THSD7B: variants seen among roughly 807,000 people sequenced by gnomAD.
THSD7B encodes the protein thrombospondin type 1 domain containing 7B.
A neutral mutation model predicts 213.6 loss-of-function variants in THSD7B; 138 were observed. The observed-to-expected ratio is 0.65, with a 90% CI of 0.56 to 0.74. The LOEUF (loss-of-function observed/expected upper bound fraction) is 0.74. THSD7B is among the 30% of genes least tolerant of loss of function. THSD7B has a pLI of 0.00. For missense variants in THSD7B, 1,931 were observed against 1,991.5 expected, an observed-to-expected ratio of 0.97 and a Z score of 0.58; for synonymous variants, 742 against 687.0, an observed-to-expected ratio of 1.08 and a Z score of -1.25.
rs878953879 is a variant in THSD7B at position 137,335,286 on chromosome 2, G to A, written c.2500+59260G>A. Among the ~76,000 whole-genome samples, 4 of 152,026 alleles carry A rather than the reference G, an allele frequency of 2.6e-5. No individual in the cohort carries two copies. In the South Asian group the frequency reaches 8.3e-4, roughly 32 times the overall value. On this transcript the variant is annotated intron_variant, in intron 12 of 27. Coordinates refer to ENST00000409968, the MANE Select transcript of THSD7B (RefSeq NM_001316349.2). ...GAATTGCTTAGTGTTGGACTCTTACGAGCGCACAAAAATAAGGTAATGAAG... is the reference window on the plus strand; with the variant it reads ...GAATTGCTTAGTGTTGGACTCTTACAAGCGCACAAAAATAAGGTAATGAAG...
At chr2:137,216,408 C>T (rs547641756) in intron 7 of THSD7B, among the ~76,000 whole-genome samples, 83 of 152,054 alleles carry the variant, frequency 5.5e-4, no homozygotes, top group South Asian at 1.0e-3. Context: ...CACACACGCT[C>T]TTCTTCCATC....
intron 2 of THSD7B, among the ~76,000 whole-genome samples, chr2:137,028,028 C>A (rs1016703049): frequency 6.6e-6 from 1 of 151,942 alleles, no homozygotes; most frequent in African/African-American, 2.4e-5. Flanking sequence ...TATTATTATT[C>A]CTATATGTAT....
chr2:137,272,913 C>T (rs1349653067), intron 11 of THSD7B, among the ~76,000 whole-genome samples: 1 of 151,788 alleles, frequency 6.6e-6, no homozygotes, highest in Non-Finnish European at 1.5e-5. Flanking sequence ...CTTATGCCAC[C>T]ATGGCAGTCC....
chr2:137,578,321 C>T (rs1260286888), intron 17 of THSD7B, among the ~76,000 whole-genome samples: 1 of 152,172 alleles, frequency 6.6e-6, no homozygotes, highest in Non-Finnish European at 1.5e-5. Context: ...TCTTAGCTAA[C>T]TACTAATTTG....
intron 7 of THSD7B, among the ~76,000 whole-genome samples, chr2:137,223,990 G>T (rs1681438591): frequency 6.6e-6 from 1 of 152,094 alleles, no homozygotes; most frequent in South Asian, 2.1e-4. Context: ...TTCCAGCCGT[G>T]CTTCCTGTAC....
chr2:137,393,691 G>A (rs1686101731), intron 12 of THSD7B, among the ~76,000 whole-genome samples: 1 of 140,982 alleles, frequency 7.1e-6, no homozygotes, highest in African/African-American at 2.6e-5. Context: ...TGGGATGGCT[G>A]GGTCAAATGG....
At chr2:137,089,855 A>G (rs1687917591) in intron 3 of THSD7B, among the ~76,000 whole-genome samples, 1 of 151,986 alleles carries the variant, frequency 6.6e-6, no homozygotes, top group Non-Finnish European at 1.5e-5. Flanking sequence ...TAAAAATACA[A>G]AAAATTAGCC....
At chr2:137,546,765 T>C (rs550149883) in intron 15 of THSD7B, among the ~76,000 whole-genome samples, 1 of 151,516 alleles carries the variant, frequency 6.6e-6, no homozygotes, top group East Asian at 2.0e-4. Flanking sequence ...ATAAATGGGT[T>C]AGTTGACCAT....
At chr2:137,287,446 G>A (rs1475310727) in intron 12 of THSD7B, among the ~76,000 whole-genome samples, 1 of 152,100 alleles carries the variant, frequency 6.6e-6, no homozygotes, top group East Asian at 1.9e-4. Flanking sequence ...TAATGATTCT[G>A]TGAGGTATTT....
intron 2 of THSD7B, among the ~76,000 whole-genome samples, chr2:136,950,035 C>T (rs1337177754): frequency 7.9e-5 from 12 of 152,212 alleles, no homozygotes; most frequent in Admixed American, 4.6e-4. Flanking sequence ...GAGCGGATCA[C>T]GAGGTCAGGA....
Position 137,509,250 on chromosome 2 carries a change from CTTCCTTCCTTCCTTCT to C in THSD7B, c.3139-53956_3139-53941del, listed in dbSNP as rs1451407145. 9.4e-5 allele frequency among the ~76,000 whole-genome samples: 14 copies of C among 148,488 alleles called. No homozygotes were observed. The South Asian group carries it at 1.7e-3, about 18-fold the overall frequency. ...CTTTTTTTCTTTTCTTTTCTTTTTC[CTTCCTTCCTTCCTTCT>C]TTCCTTCCTTCCTTTCTTCCTTCCC... On this transcript the variant is annotated intron_variant, in intron 15 of 27. Coordinates refer to ENST00000409968, the MANE Select transcript of THSD7B (RefSeq NM_001316349.2).
At chr2:137,042,926 T>G (rs1055405198) in intron 2 of THSD7B, among the ~76,000 whole-genome samples, 4 of 152,230 alleles carry the variant, frequency 2.6e-5, no homozygotes, top group East Asian at 1.9e-4. Context: ...ATTCCAATAA[T>G]GCAGGGGCTA....
chr2:137,035,875 A>G (rs1353611609), intron 2 of THSD7B, among the ~76,000 whole-genome samples: 1 of 152,178 alleles, frequency 6.6e-6, no homozygotes, highest in Non-Finnish European at 1.5e-5. Flanking sequence ...TATAGCTTAC[A>G]TATTTTCCAT....
intron 5 of THSD7B, among the ~76,000 whole-genome samples, chr2:137,130,132 G>T (rs980970135): frequency 4.6e-5 from 7 of 152,172 alleles, no homozygotes; most frequent in Admixed American, 4.6e-4. Flanking sequence ...AGGGGCTGGG[G>T]CATAGCACTG....
intron 7 of THSD7B, among the ~76,000 whole-genome samples, chr2:137,175,305 T>C (rs768364057): frequency 6.6e-6 from 1 of 152,166 alleles, no homozygotes; most frequent in African/African-American, 2.4e-5. Context: ...TCAGCAAACA[T>C]CTTCATTCAG....
intron 15 of THSD7B, among the ~76,000 whole-genome samples, chr2:137,551,353 G>A (rs1288145266): frequency 6.6e-6 from 1 of 152,122 alleles, no homozygotes; most frequent in East Asian, 1.9e-4. Context: ...TTCAAGTTCA[G>A]CAGTGCCTTC....
At chr2:137,039,350 C>G (rs779169256) in intron 2 of THSD7B, among the ~76,000 whole-genome samples, 1 of 152,164 alleles carries the variant, frequency 6.6e-6, no homozygotes, top group African/African-American at 2.4e-5. Context: ...TGGTTCTCTG[C>G]TATGGTGATT....
At chr2:137,630,666 G>T (rs1252567419) in intron 20 of THSD7B, among the ~76,000 whole-genome samples, 3 of 152,204 alleles carry the variant, frequency 2.0e-5, no homozygotes, top group Non-Finnish European at 4.4e-5. Context: ...AAATTGTGGA[G>T]CTGCAAAGGT....
At chr2:137,485,765 A>G (rs944540952) in intron 15 of THSD7B, among the ~76,000 whole-genome samples, 1 of 152,304 alleles carries the variant, frequency 6.6e-6, no homozygotes, top group Non-Finnish European at 1.5e-5. Context: ...GTTACCCACA[A>G]AGGGAAGCCC....
Sources: allele counts gnomAD v4.1 joint callset (sites outside exome capture counted in the v4.1 genomes callset), GRCh38; gene constraint gnomAD v4.1.1; transcripts MANE v1.5; gene names NCBI Gene and HGNC (gene_info 2026-07-23, HGNC 2026-07-21).